Variants in FYN observed in about 807,000 individuals in gnomAD.
FYN encodes FYN proto-oncogene, Src family tyrosine kinase, also known as tyrosine-protein kinase Fyn.
In FYN, 10 loss-of-function variants were observed where a neutral mutation model predicts 70.2. The ratio of observed to expected loss-of-function variants is 0.14; its 90% CI spans 0.09 to 0.24. The LOEUF is 0.24. Ranked by LOEUF, FYN falls within the 10% of genes least tolerant of loss-of-function variation. FYN has a pLI of 1.00. For synonymous variants in FYN, 236 were observed against 248.6 expected, an observed-to-expected ratio of 0.95 and a Z score of 0.48; for missense variants, 319 against 673.1, an observed-to-expected ratio of 0.47 and a Z score of 5.82.
At chr6:111,714,763 G>A (rs1402325882) in intron 4 of FYN, among the ~76,000 whole-genome samples, 1 of 152,168 alleles carries the variant, frequency 6.6e-6, no homozygotes, top group Non-Finnish European at 1.5e-5. Context: ...TCAGCGTCAG[G>A]GTTCAGGTTT....
intron 9 of FYN, chr6:111,699,419 T>C (rs1799728811): frequency 7.5e-7 from 1 of 1,334,128 alleles, no homozygotes; most frequent in East Asian, 2.3e-5. Flanking sequence ...AGGTTAAGTG[T>C]CTTTGTCCCA....
rs71021858 is a variant in FYN at position 111,673,622 on chromosome 6, G to GTTTTTTTTTTTTTTTTTTTTTT, written c.1405+876_1405+877insAAAAAAAAAAAAAAAAAAAAAA. Among the ~76,000 whole-genome samples the GTTTTTTTTTTTTTTTTTTTTTT allele has an allele frequency of 1.6e-4, 19 of 116,588 alleles. 1 individual carries two copies. The highest frequency in any genetic ancestry group is 2.1e-4 in the Non-Finnish European group (12 of 58,480). The allele number at this position is 116,588 out of a possible 152,430, so 76.5% of individuals were successfully genotyped here. ...AATCGTCACTATCGTTTCTATCATT[G>GTTTTTTTTTTTTTTTTTTTTTT]TTTTTTTTTTTTTTTTTTTCTTTAA... On this transcript the variant is annotated intron_variant, in intron 13 of 13. Coordinates refer to ENST00000354650, the MANE Select transcript of FYN (RefSeq NM_002037.5).
rs57984132 is a variant in FYN, at chr6:111,797,665, CATATATATATATAT to C, written c.-81-17044_-81-17031del. Among the ~76,000 whole-genome samples, 225 of 90,910 alleles carry C rather than the reference CATATATATATATAT, an allele frequency of 2.5e-3. 1 individual carries two copies. Among genetic ancestry groups the C allele is most frequent in the East Asian group, 4.3e-3 (14 of 3,258 alleles). 59.6% of individuals were successfully genotyped at this position (90,910 alleles called of 152,430 possible). ...AGCAACAAGCTCAAAATCAAAGTTTCATATATATATATATATATATATATATATATATATATATA... is the reference window on the plus strand; with the variant it reads ...AGCAACAAGCTCAAAATCAAAGTTTCATATATATATATATATATATATATA... On this transcript the variant is annotated intron_variant, in intron 2 of 13. Coordinates refer to ENST00000354650, the MANE Select transcript of FYN (RefSeq NM_002037.5).
intron 2 of FYN, among the ~76,000 whole-genome samples, chr6:111,839,306 C>T (rs538489411): frequency 6.6e-6 from 1 of 152,264 alleles, no homozygotes; most frequent in Admixed American, 6.5e-5. Context: ...GGTCTATATT[C>T]TGGATCCCAA....
In FYN at chr6:111,700,203, C is replaced by T. The variant is rs1799768195; in HGVS notation, c.763G>A (p.Asp255Asn). 6.2e-7 allele frequency: 1 copy of T among 1,614,086 alleles called. No homozygotes were observed. Among genetic ancestry groups the T allele is most frequent in the Non-Finnish European group, 8.5e-7 (1 of 1,179,986 alleles). ...ACATCTTTGGTTTTGACAGACAGAT[C>T]GGTAAGCCTTGGCATCCCTTTGTGA... ...PCHKGMPRLT[D>N]LSVKTKDVWE... Residue 255 changes from aspartate to asparagine, a missense_variant, in exon 9 of 14, where the codon GAT becomes AAT. Coordinates refer to ENST00000354650, the MANE Select transcript of FYN (RefSeq NM_002037.5).
intron 2 of FYN, among the ~76,000 whole-genome samples, chr6:111,838,534 C>T (rs1394363773): frequency 4.6e-5 from 7 of 152,246 alleles, no homozygotes; most frequent in Non-Finnish European, 1.0e-4. Context: ...CAACACTGAC[C>T]TGGAGAGAGG....
chr6:111,827,837 G>C (rs570168962), intron 2 of FYN, among the ~76,000 whole-genome samples: 2 of 152,064 alleles, frequency 1.3e-5, no homozygotes, highest in African/African-American at 4.8e-5. Flanking sequence ...TTTCTTCTTG[G>C]GGGAGATGGG....
At chr6:111,755,208 A>G (rs548353808) in intron 3 of FYN, among the ~76,000 whole-genome samples, 1 of 152,286 alleles carries the variant, frequency 6.6e-6, no homozygotes, top group South Asian at 2.1e-4. Flanking sequence ...AAAATAGCCC[A>G]TAGTGTGGAT....
chr6:111,721,170 C>A (rs1453898425), intron 3 of FYN, among the ~76,000 whole-genome samples: 5 of 152,186 alleles, frequency 3.3e-5, no homozygotes, highest in Admixed American at 1.3e-4. Context: ...GACTGCCCTG[C>A]CCTTCCAGGC....
chr6:111,758,791 G>C (rs1802864556), intron 3 of FYN: 1 of 149,970 alleles, frequency 6.7e-6, no homozygotes, highest in African/African-American at 2.4e-5. Flanking sequence ...TAGGACGGCA[G>C]GACAGGAATG....
At chr6:111,818,887 T>A (rs1364498862) in intron 2 of FYN, 1 of 152,256 alleles carries the variant, frequency 6.6e-6, no homozygotes, top group Non-Finnish European at 1.5e-5. Context: ...GTCCATCAGC[T>A]TCCTCCATTG....
intron 3 of FYN, among the ~76,000 whole-genome samples, chr6:111,745,614 G>C (rs1159406213): frequency 6.6e-6 from 1 of 151,928 alleles, no homozygotes; most frequent in Non-Finnish European, 1.5e-5. Flanking sequence ...GTGAAGGAGG[G>C]AGCAGGCCAC....
At chr6:111,699,441 T>C in intron 9 of FYN, 5 of 1,491,416 alleles carry the variant, frequency 3.4e-6, no homozygotes, top group African/African-American at 1.4e-5. Context: ...CGGCTGTGTG[T>C]GCATTTTTGT....
chr6:111,692,114 G>A (rs1393906034), intron 12 of FYN, among the ~76,000 whole-genome samples: 3 of 136,458 alleles, frequency 2.2e-5, no homozygotes, highest in South Asian at 2.6e-4. Context: ...CCCCCCCCCA[G>A]TTCAGCTCTC....
intron 2 of FYN, among the ~76,000 whole-genome samples, chr6:111,814,535 T>TA (rs1772424903): frequency 6.6e-6 from 1 of 152,076 alleles, no homozygotes; most frequent in African/African-American, 2.4e-5. Context: ...ATGAAGAATC[T>TA]GAAATGGAAA....
chr6:111,834,389 C>T (rs1583480658), intron 2 of FYN, among the ~76,000 whole-genome samples: 2 of 152,142 alleles, frequency 1.3e-5, no homozygotes, highest in Admixed American at 1.3e-4. Flanking sequence ...TTACCCTGAG[C>T]CCTGGGCCCA....
At chr6:111,811,199 C>G (rs910777304) in intron 2 of FYN, among the ~76,000 whole-genome samples, 5 of 152,144 alleles carry the variant, frequency 3.3e-5, no homozygotes, top group Admixed American at 2.0e-4. Context: ...GTTTTTAATG[C>G]TGTATGATTT....
At chr6:111,810,626 T>G (rs1772293170) in intron 2 of FYN, among the ~76,000 whole-genome samples, 1 of 152,312 alleles carries the variant, frequency 6.6e-6, no homozygotes, top group East Asian at 1.9e-4. Context: ...AATCAACCAA[T>G]GTATGCTGTC....
In FYN at chr6:111,720,064, T is replaced by A; in HGVS notation, c.-11-2A>T. ...GCACACAGCCCATTATCTAAATTCC[T>A]GCCAAAGACAAAAAAGGGGGCACGT... On this transcript the variant is annotated splice_acceptor_variant, in intron 3 of 13. Transcript: ENST00000354650. LOFTEE classifies it low-confidence loss of function (5UTR_SPLICE). 6.3e-7 allele frequency: 1 copy of A among 1,575,710 alleles called. No homozygotes were observed. The highest frequency in any genetic ancestry group is 1.4e-5 in the African/African-American group (1 of 73,870).
Sources: gnomAD v4.1 joint callset for allele counts (sites outside exome capture counted in the v4.1 genomes callset) on GRCh38, gnomAD v4.1.1 for gene constraint, MANE v1.5 for transcripts, NCBI Gene and HGNC (gene_info 2026-07-23, HGNC 2026-07-21) for gene names.